Variants in MYO1C observed in about 807,000 individuals in gnomAD.
MYO1C encodes the protein unconventional myosin-Ic.
A neutral mutation model predicts 150.8 loss-of-function variants in MYO1C; 104 were observed. The ratio of observed to expected loss-of-function variants is 0.69; its 90% CI spans 0.59 to 0.81. The LOEUF (loss-of-function observed/expected upper bound fraction) is 0.81, where lower values mean the gene tolerates loss of function less well. Among genes scored for constraint, MYO1C ranks in the 30% least tolerant of loss-of-function variants. The pLI is 0.00. For missense variants in MYO1C, 1,504 were observed against 1,435.0 expected, an observed-to-expected ratio of 1.05 and a Z score of -0.78; for synonymous variants, 663 against 579.9, an observed-to-expected ratio of 1.14 and a Z score of -2.06.
chr17:1,473,850 A>T (rs934298236), intron 17 of MYO1C, among the ~76,000 whole-genome samples: 1 of 150,046 alleles, frequency 6.7e-6, no homozygotes, highest in East Asian at 1.9e-4. Flanking sequence ...CCAACCCCTC[A>T]CCCCTTCCGC....
At chr17:1,465,841 CT>C in intron 31 of MYO1C, 89 bp from the exon 32 acceptor site, 1 of 1,021,062 alleles carries the variant, frequency 9.8e-7, no homozygotes, top group Non-Finnish European at 1.3e-6. Context: ...TTGTTTTTTC[CT>C]TTTTATGGAG....
chr17:1,474,270 T>C (rs770049220), intron 17 of MYO1C, among the ~76,000 whole-genome samples: 8 of 151,596 alleles, frequency 5.3e-5, no homozygotes, highest in Non-Finnish European at 1.2e-4. Context: ...CTACTTAAAA[T>C]ACAAAAAATT....
In MYO1C at chr17:1,470,415, C is replaced by T. The variant is rs115264891; in HGVS notation, c.2366+20G>A. On this transcript the variant is annotated intron_variant, in intron 23 of 31. Transcript: ENST00000648651. ...CCCACGCCCTGCTCTGCAGCCCCCA[C>T]AAGGCACCCTGGCGCTCACCGCCGG... The T allele has an allele frequency of 2.3e-3, 3,512 of 1,550,140 alleles. 65 individuals are homozygous for T. In the African/African-American group the frequency reaches 0.042, roughly 19 times the overall value.
At chr17:1,471,608 C>A (rs1379510112) in intron 19 of MYO1C, among the ~76,000 whole-genome samples, 1 of 152,194 alleles carries the variant, frequency 6.6e-6, no homozygotes, top group East Asian at 1.9e-4. Flanking sequence ...CCTTTCGGAG[C>A]CCCTTGGAAG....
rs988025443 is a variant in MYO1C, at chr17:1,471,815, T to C, written c.2021+92A>G. The C allele has an allele frequency of 8.1e-6, 11 of 1,366,394 alleles. No homozygotes were observed. In the African/African-American group the frequency reaches 1.4e-4, roughly 18 times the overall value. 84.6% of individuals were successfully genotyped at this position (1,366,394 alleles called of 1,614,324 possible). ...GGCCTCCGCATCCGCATTTCTAAAA[T>C]GGGGCCGAGAACCCTTGTCTGCCCT... On this transcript the variant is annotated intron_variant, in intron 19 of 31. Transcript: ENST00000648651.
At position 1,472,917 on chromosome 17, in the gene MYO1C, G is replaced by A. The variant is rs185273004; in HGVS notation, c.1798-689C>T. On this transcript the variant is annotated intron_variant, in intron 17 of 31. Coordinates refer to ENST00000648651, the MANE Select transcript of MYO1C (RefSeq NM_001080779.2). ...AAGGAGAGAAAAGAACGAGGGGGCC[G>A]GAGCCGGGCGCGGTGGCTCACGCCT... 1.3e-3 allele frequency among the ~76,000 whole-genome samples: 194 copies of A among 152,196 alleles called. 1 individual carries two copies. Among genetic ancestry groups the A allele is most frequent in the Middle Eastern group, 0.01 (3 of 294 alleles).
In MYO1C at chr17:1,470,241, C is replaced by A. The variant is rs2074271651; in HGVS notation, c.2460G>T (p.Leu820=). 6.2e-7 allele frequency: 1 copy of A among 1,608,962 alleles called. No individual in the cohort carries two copies. Among genetic ancestry groups the A allele is most frequent in the Admixed American group, 1.7e-5 (1 of 59,404 alleles). Residue 820 remains leucine (L), a synonymous_variant, in exon 24 of 32, where the codon CTG becomes CTT. Coordinates refer to ENST00000648651, the MANE Select transcript of MYO1C (RefSeq NM_001080779.2). ...DHVRTSFLLN[L]RRQLPQNVLD... ...GGACATTCTGGGGCAGCTGCCGCCT[C>A]AGGTTTAGCAAAAAAGAGGTGCGCA...
In MYO1C at chr17:1,478,089, C is replaced by T. The variant is rs368677617; in HGVS notation, c.1399G>A (p.Ala467Thr). The T allele has an allele frequency of 9.3e-6, 15 of 1,613,976 alleles. No homozygotes were observed. Among genetic ancestry groups the T allele is most frequent in the East Asian group, 2.2e-5 (1 of 44,890 alleles). The stretch of plus-strand genomic sequence containing the variant: ...AGTGCCCCCAGGCTAGCACACACCG[C>T]GATGCCCTCTGCCTCGTACTCCTCC... ...EQEEYEAEGI[A>T]WEPVQYFNNK... The change falls in exon 12 of 32, where the codon GCG becomes ACG. Residue 467 changes from alanine (A) to threonine (T), a missense_variant and splice_region_variant. Ala to Thr is a moderately conservative substitution (Grantham distance 58). Coordinates refer to ENST00000648651, the MANE Select transcript of MYO1C (RefSeq NM_001080779.2). This position sits in a 1 kb window ranked among gnomAD's most constrained non-coding sequence, Gnocchi z 6.3.
intron 14 of MYO1C, among the ~76,000 whole-genome samples, chr17:1,476,622 C>A (rs531754965): frequency 1.9e-4 from 29 of 152,328 alleles, no homozygotes; most frequent in Non-Finnish European, 3.5e-4. Flanking sequence ...TGAGAAAACA[C>A]CAAGAACCCC....
chr17:1,479,500 G>A lies in MYO1C; in HGVS notation c.1023C>T (p.Leu341=). The change falls in exon 9 of 32, where the codon CTC becomes CTT. Residue 341 remains leucine (L), a splice_region_variant and synonymous_variant. Coordinates refer to ENST00000648651, the MANE Select transcript of MYO1C (RefSeq NM_001080779.2). This position sits in a 1 kb window ranked among gnomAD's most constrained non-coding sequence, Gnocchi z 4.2. ...GCAGCGTCGAGCCTTCCACGCTGAG[G>A]AGCTGCCAAGGGCAGGCGAGGACAC... is the stretch of plus-strand genomic sequence containing the variant. ...TENQLKYLTR[L]LSVEGSTLRE... is the part of the protein sequence containing the mutation. 6.6e-7 allele frequency: 1 copy of A among 1,519,492 alleles called. No individual in the cohort carries two copies. Among genetic ancestry groups the A allele is most frequent in the East Asian group, 2.4e-5 (1 of 41,678 alleles). 94.1% of individuals were successfully genotyped at this position (1,519,492 alleles called of 1,614,324 possible).
rs375916262 is a variant in MYO1C at position 1,467,510 on chromosome 17, C to T, written c.3035G>A (p.Arg1012His). The change falls in exon 30 of 32, where the codon CGC (arginine) becomes CAC (histidine). Residue 1012 changes from arginine (R) to histidine (H), a missense_variant. Arg to His is a conservative substitution (Grantham distance 29). Coordinates refer to ENST00000648651, the MANE Select transcript of MYO1C (RefSeq NM_001080779.2). ...CTGGTTGATGTTGATGCTGTTCACG[C>T]GGTTGGCACTGAGGGCTGTCTTGGT... is the stretch of plus-strand genomic sequence containing the variant. ...TLTKTALSAN[R>H]VNSININQGS... The T allele has an allele frequency of 2.8e-5, 45 of 1,613,488 alleles. No homozygotes were observed. Among genetic ancestry groups the T allele is most frequent in the South Asian group, 6.6e-5 (6 of 91,072 alleles).
chr17:1,484,356 G>A (rs913491844), intron 1 of MYO1C, 53 bp from the exon 2 acceptor site: 23 of 1,595,832 alleles, frequency 1.4e-5, no homozygotes, highest in Non-Finnish European at 2.0e-5. Context: ...GCGGGGCAAG[G>A]CCACTTCCCT....
chr17:1,466,547 C>T (rs528424746), intron 31 of MYO1C, among the ~76,000 whole-genome samples: 1 of 151,562 alleles, frequency 6.6e-6, no homozygotes, highest in African/African-American at 2.4e-5. Flanking sequence ...AGGCTGGTTT[C>T]GAACTCCCAA....
Position 1,467,664 on chromosome 17 carries a change from C to A in MYO1C, c.2968-87G>T, listed in dbSNP as rs2074204083. ...ACCTCCCCATCCACCTCCTGACCCC[C>A]AAATCCACCCCCATCCACCCTCCCA... On this transcript the variant is annotated intron_variant, in intron 29 of 31. Transcript: ENST00000648651. 6 of 1,288,576 alleles carry A rather than the reference C, an allele frequency of 4.7e-6. No individual in the cohort carries two copies. In the South Asian group the frequency reaches 6.3e-5, roughly 13 times the overall value. 79.8% of individuals were successfully genotyped at this position (1,288,576 alleles called of 1,614,324 possible). A position where few individuals can be genotyped will look rare whatever the true frequency, so the allele number is the denominator to read the frequency against.
rs991379211 is a variant in MYO1C at position 1,477,435 on chromosome 17, G to A, written c.1574+70C>T. ...TGGCTGGTGTTTTGTGATGGCGGAG[G>A]GACTCCTGCACTCCGCAGGCTCTGC... On this transcript the variant is annotated intron_variant, in intron 14 of 31. Transcript: ENST00000648651. 12 of 1,380,260 alleles carry A rather than the reference G, an allele frequency of 8.7e-6. No individual in the cohort carries two copies. In the African/African-American group the frequency reaches 1.6e-4, roughly 18 times the overall value. 85.5% of individuals were successfully genotyped at this position (1,380,260 alleles called of 1,614,324 possible). A position where few individuals can be genotyped will look rare whatever the true frequency, so the allele number is the denominator to read the frequency against.
intron 14 of MYO1C, 169 bp downstream of exon 14, chr17:1,477,336 C>G (rs1240037257): frequency 4.5e-6 from 3 of 667,522 alleles, no homozygotes; most frequent in Admixed American, 2.2e-5. Context: ...TGTCAGCATG[C>G]CTGGCTAAGC....
Position 1,469,118 on chromosome 17 carries a change from AGGGTAAATAGAGCAGACCG to A in MYO1C, c.2610+394_2610+412del, listed in dbSNP as rs756629813. ...TAGACCGGGGTAAATACGGTAGACT[AGGGTAAATAGAGCAGACCG>A]GGGTAAATAGAGCAGACCGGGGTAA... On this transcript the variant is annotated intron_variant, in intron 25 of 31. Transcript: ENST00000648651. The A allele has an allele frequency of 2.3e-3, 739 of 324,140 alleles. 9 individuals carry two copies. Among genetic ancestry groups the A allele is most frequent in the East Asian group, 8.2e-3 (102 of 12,474 alleles). The allele number at this position is 324,140 out of a possible 1,614,324, so 20.1% of individuals were successfully genotyped here.
chr17:1,480,288 A>G (rs2074491777), intron 7 of MYO1C, among the ~76,000 whole-genome samples: 1 of 151,664 alleles, frequency 6.6e-6, no homozygotes, highest in African/African-American at 2.4e-5. Flanking sequence ...CTCTACTAAA[A>G]CTACAAAAAA....
At position 1,483,092 on chromosome 17, in the gene MYO1C, G is replaced by A. The variant is rs756813423; in HGVS notation, c.348-33C>T. 4.5e-6 allele frequency: 7 copies of A among 1,556,956 alleles called. No homozygotes were observed. In the Admixed American group the frequency reaches 5.6e-5, roughly 13 times the overall value. On this transcript the variant is annotated intron_variant, in intron 3 of 31. Coordinates refer to ENST00000648651, the MANE Select transcript of MYO1C (RefSeq NM_001080779.2). ...GGAGGCTCGTCAGGGAGTTTGGGGA[G>A]GGGGGCCAAGCAGAGCCCCACGAGA...
Sources: allele counts gnomAD v4.1 joint callset (sites outside exome capture counted in the v4.1 genomes callset), GRCh38; gene constraint gnomAD v4.1.1; non-coding constraint Gnocchi (gnomAD v3.1); transcripts MANE v1.5; gene names NCBI Gene and HGNC (gene_info 2026-07-23, HGNC 2026-07-21).